NRG3: variants seen among roughly 807,000 people sequenced by gnomAD.
NRG3 encodes the protein pro-neuregulin-3, membrane-bound isoform.
A neutral mutation model predicts 66.9 loss-of-function variants in NRG3; 31 were observed. The ratio of observed to expected loss-of-function variants is 0.46; its 90% CI spans 0.35 to 0.63. The LOEUF (loss-of-function observed/expected upper bound fraction) is 0.63. Ranked by LOEUF, NRG3 falls within the 20% of genes least tolerant of loss-of-function variation. The pLI, the probability that NRG3 is intolerant of heterozygous loss-of-function variation, is 0.00. For synonymous variants in NRG3, 393 were observed against 359.4 expected, an observed-to-expected ratio of 1.09 and a Z score of -1.06; for missense variants, 910 against 878.9, an observed-to-expected ratio of 1.04 and a Z score of -0.45.
At chr10:81,936,861 TA>T (rs1461682558) in intron 1 of NRG3, among the ~76,000 whole-genome samples, 5 of 152,208 alleles carry the variant, frequency 3.3e-5, no homozygotes, top group South Asian at 4.1e-4. Context: ...AAAAAACACA[TA>T]AAAAATTAAT....
chr10:82,347,915 G>T (rs1319854082), intron 1 of NRG3, among the ~76,000 whole-genome samples: 1 of 151,474 alleles, frequency 6.6e-6, no homozygotes, highest in Non-Finnish European at 1.5e-5. Context: ...TTTTCCATTT[G>T]CTTGGTAGAT....
intron 3 of NRG3, among the ~76,000 whole-genome samples, chr10:82,857,479 A>C (rs2063871387): frequency 6.6e-6 from 1 of 152,174 alleles, no homozygotes; most frequent in South Asian, 2.1e-4. Flanking sequence ...TACTCTCCAC[A>C]GTGGAAAAAG....
chr10:82,740,166 C>G (rs539480272), intron 3 of NRG3, among the ~76,000 whole-genome samples: 2 of 151,278 alleles, frequency 1.3e-5, no homozygotes, highest in African/African-American at 4.9e-5. Flanking sequence ...CTTCCTCCCT[C>G]TTTCCCTTTC....
At chr10:82,435,779 C>CTTTTTTTTTT (rs1158502018) in intron 2 of NRG3, among the ~76,000 whole-genome samples, 314 of 108,068 alleles carry the variant, frequency 2.9e-3, no homozygotes, top group Non-Finnish European at 3.2e-3. Context: ...CTTTTCTTTT[C>CTTTTTTTTTT]TTTTTTTTTT....
chr10:82,975,783 T>G (rs774012105), intron 7 of NRG3, among the ~76,000 whole-genome samples: 5 of 152,208 alleles, frequency 3.3e-5, no homozygotes, highest in Non-Finnish European at 7.3e-5. Context: ...GATTGATCAA[T>G]AGGCATAAAA....
intron 1 of NRG3, among the ~76,000 whole-genome samples, chr10:82,018,906 T>A (rs1181493306): frequency 6.6e-6 from 1 of 152,134 alleles, no homozygotes; most frequent in East Asian, 1.9e-4. Flanking sequence ...CTTCCTCTTT[T>A]CCTAATCGAA....
rs1564908140 is a variant in NRG3 at position 82,426,634 on chromosome 10, ATTAT to A, written c.953+67768_953+67771del. On this transcript the variant is annotated intron_variant, in intron 2 of 8. Coordinates refer to ENST00000372141, the MANE Select transcript of NRG3 (RefSeq NM_001010848.4). ...TATTATTATTATTATTATTATTATT[ATTAT>A]TATTATTATTTTGAGACAGGGTCTC... is the stretch of plus-strand genomic sequence containing the variant. Among the ~76,000 whole-genome samples, 405 of 122,962 alleles carry A rather than the reference ATTAT, an allele frequency of 3.3e-3. 2 individuals are homozygous for A. The highest frequency in any genetic ancestry group is 0.014 in the African/African-American group (394 of 28,206). The allele number at this position is 122,962 out of a possible 152,430, so 80.7% of individuals were successfully genotyped here. A position where few individuals can be genotyped will look rare whatever the true frequency, so the allele number is the denominator to read the frequency against.
chr10:81,963,678 C>T (rs1281161847), intron 1 of NRG3, among the ~76,000 whole-genome samples: 10 of 152,166 alleles, frequency 6.6e-5, no homozygotes, highest in Admixed American at 4.6e-4. Context: ...CTGTTTTACA[C>T]GACGGGACAC....
chr10:82,498,195 C>CT (rs1339858586), intron 2 of NRG3, among the ~76,000 whole-genome samples: 1 of 149,380 alleles, frequency 6.7e-6, no homozygotes, highest in Admixed American at 6.7e-5. Context: ...TATAGCTTAT[C>CT]TTTTCATTTC....
chr10:82,646,349 AT>A (rs1565161536), intron 2 of NRG3, among the ~76,000 whole-genome samples: 1 of 152,150 alleles, frequency 6.6e-6, no homozygotes, highest in African/African-American at 2.4e-5. Context: ...CCATTTCTTA[AT>A]TCTTAGAACG....
chr10:82,044,881 A>C (rs1367222937), intron 1 of NRG3, among the ~76,000 whole-genome samples: 1 of 151,858 alleles, frequency 6.6e-6, no homozygotes, highest in Non-Finnish European at 1.5e-5. Flanking sequence ...CCATGTCCCT[A>C]CAAAGGATAT....
intron 4 of NRG3, among the ~76,000 whole-genome samples, chr10:82,904,537 G>A (rs768039507): frequency 3.3e-5 from 5 of 152,040 alleles, no homozygotes; most frequent in Non-Finnish European, 7.4e-5. Flanking sequence ...AGCTAAGTAT[G>A]GTTTATGCAC....
chr10:82,459,035 C>A (rs1250611070), intron 2 of NRG3, among the ~76,000 whole-genome samples: 3 of 152,180 alleles, frequency 2.0e-5, no homozygotes, highest in African/African-American at 7.2e-5. Flanking sequence ...GTAGCCAGAG[C>A]AGTTTGCTCC....
intron 3 of NRG3, among the ~76,000 whole-genome samples, chr10:82,767,830 G>C (rs1251545788): frequency 6.6e-6 from 1 of 151,696 alleles, no homozygotes; most frequent in Non-Finnish European, 1.5e-5. Flanking sequence ...GGATATTACT[G>C]TTGGTAATAT....
At chr10:82,733,170 T>C (rs1265271790) in intron 2 of NRG3, among the ~76,000 whole-genome samples, 2 of 152,226 alleles carry the variant, frequency 1.3e-5, no homozygotes, top group East Asian at 1.9e-4. Context: ...ATACCTTCTA[T>C]AGCATTTATA....
chr10:82,886,108 C>T (rs887228669), intron 4 of NRG3, among the ~76,000 whole-genome samples: 1 of 152,174 alleles, frequency 6.6e-6, no homozygotes, highest in African/African-American at 2.4e-5. Flanking sequence ...TCTGGTGATC[C>T]ACCCACCTCA....
chr10:82,204,272 T>G (rs1242214602), intron 1 of NRG3, among the ~76,000 whole-genome samples: 2 of 152,208 alleles, frequency 1.3e-5, no homozygotes, highest in Non-Finnish European at 2.9e-5. Context: ...ACTGTCTTAC[T>G]ACAACAAAGG....
chr10:81,984,581 A>G (rs992296008), intron 1 of NRG3, among the ~76,000 whole-genome samples: 1 of 152,164 alleles, frequency 6.6e-6, no homozygotes, highest in Middle Eastern at 3.2e-3. Context: ...GTGATACCTC[A>G]TGAGCTTCTG....
At chr10:82,328,854 G>T (rs2081998753) in intron 1 of NRG3, among the ~76,000 whole-genome samples, 1 of 152,186 alleles carries the variant, frequency 6.6e-6, no homozygotes, top group African/African-American at 2.4e-5. Flanking sequence ...GGAATTTAAA[G>T]TTTTAATGTG....
Sources: allele counts gnomAD v4.1 joint callset (sites outside exome capture counted in the v4.1 genomes callset), GRCh38; gene constraint gnomAD v4.1.1; transcripts MANE v1.5; gene names NCBI Gene and HGNC (gene_info 2026-07-23, HGNC 2026-07-21).